FREM3: variants seen among roughly 807,000 people sequenced by gnomAD.
FREM3 encodes FRAS1-related extracellular matrix protein 3.
Under a neutral mutation model 129.1 loss-of-function variants are expected in FREM3, and 105 were observed. The ratio of observed to expected loss-of-function variants is 0.81; its 90% CI spans 0.69 to 0.96. The LOEUF (loss-of-function observed/expected upper bound fraction) is 0.96, where lower values mean the gene tolerates loss of function less well. Among genes scored for constraint, FREM3 ranks in the 40% least tolerant of loss-of-function variants. FREM3 has a pLI of 0.00. For missense variants in FREM3, 2,593 were observed against 2,666.3 expected (o/e 0.97, Z 0.61); for synonymous variants, 1,014 against 1,044.9 (o/e 0.97, Z 0.57).
rs1320494249 is a variant in FREM3 at position 143,695,931 on chromosome 4, T to G, written c.4745A>C (p.His1582Pro). 8.5e-6 allele frequency: 13 copies of G among 1,537,846 alleles called. No homozygotes were observed. The East Asian group carries it at 3.2e-4, about 38-fold the overall frequency. Residue 1582 changes from histidine to proline, a missense_variant, in exon 1 of 8, where the codon CAT (histidine) becomes CCT (proline). This residue lies in a region of FREM3 where 2,276 missense variants were observed against 2,267.2 expected (regional missense o/e 1.00). Coordinates refer to ENST00000329798, the MANE Select transcript of FREM3 (RefSeq NM_001168235.2). ...GCTACCATTGTACAAAATCTTGCCATGCATGGGGACCTGGGTGATGGTAAA... is the reference window on the plus strand; with the variant it reads ...GCTACCATTGTACAAAATCTTGCCAGGCATGGGGACCTGGGTGATGGTAAA... Reference protein sequence around the residue: ...ILFTITQVPMHGKILYNGSRP... With the variant: ...ILFTITQVPMPGKILYNGSRP...
At chr4:143,586,276 A>G (rs1578821296) in intron 6 of FREM3, among the ~76,000 whole-genome samples, 4 of 152,090 alleles carry the variant, frequency 2.6e-5, no homozygotes, top group African/African-American at 9.7e-5. Context: ...CATAGAAGAG[A>G]TTTTCCTATT....
chr4:143,676,323 C>CAAA (rs1740119426), intron 2 of FREM3, among the ~76,000 whole-genome samples: 1 of 152,140 alleles, frequency 6.6e-6, no homozygotes, highest in Non-Finnish European at 1.5e-5. Context: ...CAGAAAAGGC[C>CAAA]TTTGACAAAA....
chr4:143,685,612 C>A (rs1287478614), intron 2 of FREM3, among the ~76,000 whole-genome samples: 1 of 152,102 alleles, frequency 6.6e-6, no homozygotes, highest in Non-Finnish European at 1.5e-5. Flanking sequence ...AAACAAATAA[C>A]CAAAAAAATC....
intron 2 of FREM3, among the ~76,000 whole-genome samples, chr4:143,663,553 T>A (rs1169352692): frequency 6.6e-6 from 1 of 152,044 alleles, no homozygotes. Flanking sequence ...AATCTGACAA[T>A]TTATGTGTCT....
At chr4:143,613,644 A>G (rs2149839689) in intron 5 of FREM3, among the ~76,000 whole-genome samples, 1 of 152,352 alleles carries the variant, frequency 6.6e-6, no homozygotes, top group African/African-American at 2.4e-5. Flanking sequence ...AATAGCATAC[A>G]ACTTTTGGAA....
Position 143,585,957 on chromosome 4 carries a change from A to G in FREM3, c.6065T>C (p.Val2022Ala). The G allele has an allele frequency of 6.5e-7, 1 of 1,537,678 alleles. No homozygotes were observed. The highest frequency in any genetic ancestry group is 1.2e-5 in the South Asian group (1 of 84,054). Residue 2022 changes from valine (V) to alanine (A), a missense_variant, in exon 7 of 8, where the codon GTC becomes GCC. Transcript: ENST00000329798. This position sits in a 1 kb window ranked among gnomAD's most constrained non-coding sequence, Gnocchi z 4.2. ...CTCCACGTAGCGAGCACTTTCATTG[A>G]CGTGATATTCAGCATCCCCAAAGTG... is the stretch of plus-strand genomic sequence containing the variant. ...VLHFGDAEYH[V>A]NESARYVEVC...
rs1362446606 is a variant in FREM3, at chr4:143,696,149, G to T, written c.4527C>A (p.Asp1509Glu). The change falls in exon 1 of 8, where the codon GAC becomes GAA. Residue 1509 changes from aspartate (D) to glutamate (E), a missense_variant. Around this residue, in one of 2 missense-constraint regions of FREM3, gnomAD observed 2,276 missense variants for 2,267.2 expected, o/e 1.00. Coordinates refer to ENST00000329798, the MANE Select transcript of FREM3 (RefSeq NM_001168235.2). ...VHTSNDEKKMDSFEFQVIGEL... is the reference protein window; with the variant it reads ...VHTSNDEKKMESFEFQVIGEL... ...CGCCGATCACTTGAAATTCGAAGCT[G>T]TCCATCTTTTTCTCATCATTTGAAG... The T allele has an allele frequency of 6.5e-7, 1 of 1,537,618 alleles. No homozygotes were observed. Among genetic ancestry groups the T allele is most frequent in the East Asian group, 2.4e-5 (1 of 40,914 alleles).
rs573632444 is a variant in FREM3 at position 143,632,472 on chromosome 4, T to A, written c.5276-4712A>T. Reference sequence around the variant, plus strand: ...AAATATGTCCATATTTTAAAAGTAATCAATATTCTGTCATGGTCAAAGGCT... The same window carrying A: ...AAATATGTCCATATTTTAAAAGTAAACAATATTCTGTCATGGTCAAAGGCT... On this transcript the variant is annotated intron_variant, in intron 2 of 7. Transcript: ENST00000329798. 1.4e-4 allele frequency among the ~76,000 whole-genome samples: 22 copies of A among 152,232 alleles called. No homozygotes were observed. The South Asian group carries it at 2.1e-3, about 14-fold the overall frequency.
At chr4:143,628,754 G>A (rs1739089444) in intron 2 of FREM3, among the ~76,000 whole-genome samples, 1 of 152,132 alleles carries the variant, frequency 6.6e-6, no homozygotes, top group African/African-American at 2.4e-5. Flanking sequence ...GGTATGAGAT[G>A]GGGCTACAGC....
At chr4:143,632,837 T>A (rs1044800393) in intron 2 of FREM3, among the ~76,000 whole-genome samples, 3 of 152,110 alleles carry the variant, frequency 2.0e-5, no homozygotes, top group African/African-American at 7.2e-5. Flanking sequence ...AACCTCATAA[T>A]GTTTTAAGAA....
At chr4:143,591,248 G>T (rs1395833201) in intron 6 of FREM3, among the ~76,000 whole-genome samples, 1 of 152,066 alleles carries the variant, frequency 6.6e-6, no homozygotes, top group African/African-American at 2.4e-5. Context: ...CTTCAGTTCT[G>T]CTCTTATCTT....
At chr4:143,594,612 A>G (rs1158515545) in intron 6 of FREM3, among the ~76,000 whole-genome samples, 1 of 152,214 alleles carries the variant, frequency 6.6e-6, no homozygotes, top group East Asian at 1.9e-4. Flanking sequence ...ATTGTGTGGC[A>G]TTGGGGAAGG....
At position 143,698,782 on chromosome 4, in the gene FREM3, TGTAGTGCCA is replaced by T; in HGVS notation, c.1885_1893del (p.Trp629_Tyr631del). 6.5e-7 allele frequency: 1 copy of T among 1,537,628 alleles called. No homozygotes were observed. Among genetic ancestry groups the T allele is most frequent in the South Asian group, 1.2e-5 (1 of 84,060 alleles). ...TTCTCATAAAGCCCTTCCTTTTCCA[TGTAGTGCCA>T]GTCTTCATCTTCAGTTGAGAGAGGT... On this transcript the variant is annotated inframe_deletion, in exon 1 of 8. Coordinates refer to ENST00000329798, the MANE Select transcript of FREM3 (RefSeq NM_001168235.2).
chr4:143,632,411 G>C (rs1310243415), intron 2 of FREM3, among the ~76,000 whole-genome samples: 1 of 152,084 alleles, frequency 6.6e-6, no homozygotes, highest in East Asian at 1.9e-4. Flanking sequence ...TTGGGGGAAA[G>C]AATATTTCAG....
In FREM3 at chr4:143,697,196, C is replaced by G. The variant is rs1232261318; in HGVS notation, c.3480G>C (p.Glu1160Asp). 1 of 1,537,906 alleles carries G rather than the reference C, an allele frequency of 6.5e-7. No homozygotes were observed. Among genetic ancestry groups the G allele is most frequent in the East Asian group, 2.4e-5 (1 of 40,916 alleles). ...NYVQSIHKGVEPQEDQFTFYC... is the reference protein window; with the variant it reads ...NYVQSIHKGVDPQEDQFTFYC... ...AAAAGGTGAATTGGTCCTCTTGTGG[C>G]TCTACTCCCTTGTGAATACTCTGTA... The change falls in exon 1 of 8, where the codon GAG (glutamate) becomes GAC (aspartate). Residue 1160 changes from glutamate (E) to aspartate (D), a missense_variant. Coordinates refer to ENST00000329798, the MANE Select transcript of FREM3 (RefSeq NM_001168235.2).
intron 2 of FREM3, among the ~76,000 whole-genome samples, chr4:143,637,136 A>G (rs1338604399): frequency 6.6e-6 from 1 of 152,214 alleles, no homozygotes; most frequent in African/African-American, 2.4e-5. Context: ...CAATTGTCAC[A>G]TAGTGTCAGT....
At chr4:143,595,139 G>T (rs1738443856) in intron 6 of FREM3, among the ~76,000 whole-genome samples, 1 of 152,232 alleles carries the variant, frequency 6.6e-6, no homozygotes, top group African/African-American at 2.4e-5. Context: ...TTTTGCAGGT[G>T]AGGTAACAGA....
At chr4:143,578,916 T>G (rs1738086118) in intron 7 of FREM3, among the ~76,000 whole-genome samples, 1 of 152,188 alleles carries the variant, frequency 6.6e-6, no homozygotes, top group Non-Finnish European at 1.5e-5. Context: ...TGGTGAAATT[T>G]GAATGAGGTC....
At position 143,635,059 on chromosome 4, in the gene FREM3, C is replaced by A. The variant is rs576450460; in HGVS notation, c.5276-7299G>T. On this transcript the variant is annotated intron_variant, in intron 2 of 7. Coordinates refer to ENST00000329798, the MANE Select transcript of FREM3 (RefSeq NM_001168235.2). ...AATAAATAAGAGTGCAGATTCTGGA[C>A]TGTATGAAAACCCAATTTATGTAAG... 1.4e-4 allele frequency among the ~76,000 whole-genome samples: 21 copies of A among 152,202 alleles called. 1 individual carries two copies. In the South Asian group the frequency reaches 4.4e-3, roughly 32 times the overall value.
Sources: allele counts gnomAD v4.1 joint callset (sites outside exome capture counted in the v4.1 genomes callset), GRCh38; gene constraint gnomAD v4.1.1; regional missense constraint gnomAD v4.1.1; non-coding constraint Gnocchi (gnomAD v3.1); transcripts MANE v1.5; gene names NCBI Gene and HGNC (gene_info 2026-07-23, HGNC 2026-07-21).